Variants in CTNNA2 observed in about 807,000 individuals in gnomAD.
The protein encoded by CTNNA2 is catenin alpha 2.
A neutral mutation model predicts 101.0 loss-of-function variants in CTNNA2; 42 were observed. The observed-to-expected ratio is 0.42, with a 90% CI of 0.32 to 0.54. The LOEUF (loss-of-function observed/expected upper bound fraction) is 0.54. Ranked by LOEUF, CTNNA2 falls within the 20% of genes least tolerant of loss-of-function variation. The pLI is 0.14. For missense variants in CTNNA2, 871 were observed against 1,223.1 expected (o/e 0.71, Z 4.29); for synonymous variants, 450 against 456.4 (o/e 0.99, Z 0.18).
intron 7 of CTNNA2, among the ~76,000 whole-genome samples, chr2:80,249,597 G>A (rs1338642448): frequency 3.3e-5 from 5 of 152,188 alleles, no homozygotes; most frequent in Admixed American, 1.3e-4. Context: ...AGAAGACATT[G>A]AGGCACAGTG....
At chr2:80,194,357 T>C (rs1300793100) in intron 7 of CTNNA2, among the ~76,000 whole-genome samples, 2 of 152,230 alleles carry the variant, frequency 1.3e-5, no homozygotes, top group African/African-American at 4.8e-5. Context: ...GACATCACCA[T>C]TTTTTAAATA....
chr2:80,146,502 T>C (rs1403729215), intron 7 of CTNNA2, among the ~76,000 whole-genome samples: 2 of 152,030 alleles, frequency 1.3e-5, no homozygotes, highest in African/African-American at 4.8e-5. Context: ...CCATCCATTT[T>C]TTTCTCTATC....
At chr2:79,493,732 G>C (rs1671227396) in intron 4 of CTNNA2, 1 of 152,218 alleles carries the variant, frequency 6.6e-6, no homozygotes, top group South Asian at 2.1e-4. Context: ...AGCAATCTCA[G>C]TCTGGTTAAG....
intron 7 of CTNNA2, among the ~76,000 whole-genome samples, chr2:80,252,198 T>A (rs1452229834): frequency 6.6e-6 from 1 of 152,198 alleles, no homozygotes; most frequent in Non-Finnish European, 1.5e-5. Context: ...AAGTCTTATT[T>A]ATTTATTTAC....
chr2:80,510,020 C>A (rs77705067), intron 9 of CTNNA2, among the ~76,000 whole-genome samples: 9 of 152,302 alleles, frequency 5.9e-5, no homozygotes, highest in Admixed American at 5.2e-4. Context: ...TATACTTCTG[C>A]CCCTCTATAG....
chr2:79,524,366 G>T (rs6747083), intron 1 of CTNNA2, among the ~76,000 whole-genome samples: 7,150 of 151,716 alleles, frequency 0.047, 540 homozygotes, highest in African/African-American at 0.16. Flanking sequence ...TTTCCTAATA[G>T]GTTATTGCTG....
intron 7 of CTNNA2, among the ~76,000 whole-genome samples, chr2:80,388,903 C>T (rs1266540574): frequency 2.0e-5 from 3 of 152,170 alleles, no homozygotes; most frequent in Non-Finnish European, 4.4e-5. Context: ...AGTTACTAGA[C>T]AAAATATGTC....
chr2:79,867,636 T>C (rs1415066598), intron 4 of CTNNA2, among the ~76,000 whole-genome samples: 2 of 152,176 alleles, frequency 1.3e-5, no homozygotes, highest in African/African-American at 4.8e-5. Context: ...AATATTTTAT[T>C]GAATTATAAG....
chr2:79,429,284 A>C (rs1678626242), intron 4 of CTNNA2, among the ~76,000 whole-genome samples: 1 of 152,068 alleles, frequency 6.6e-6, no homozygotes, highest in African/African-American at 2.4e-5. Context: ...TGATTTCCCC[A>C]GTTTTTAGGT....
intron 2 of CTNNA2, among the ~76,000 whole-genome samples, chr2:79,655,511 A>AC (rs1681546903): frequency 6.6e-6 from 1 of 152,180 alleles, no homozygotes; most frequent in Non-Finnish European, 1.5e-5. Context: ...TATCTAAATC[A>AC]TAGCACATCT....
intron 3 of CTNNA2, among the ~76,000 whole-genome samples, chr2:79,825,306 C>T (rs1027959954): frequency 1.3e-5 from 2 of 152,016 alleles, no homozygotes; most frequent in Non-Finnish European, 2.9e-5. Context: ...ATGATGCTGT[C>T]GATTTTCAGA....
chr2:80,254,641 A>G (rs1672003135), intron 7 of CTNNA2, among the ~76,000 whole-genome samples: 1 of 152,150 alleles, frequency 6.6e-6, no homozygotes. Flanking sequence ...TTTGATATAC[A>G]TTGGAAAAGT....
intron 7 of CTNNA2, among the ~76,000 whole-genome samples, chr2:79,930,320 G>GAAAGAAAGAAAGAAAGAAAGAA (rs1687341500): frequency 2.1e-5 from 3 of 143,040 alleles, no homozygotes; most frequent in African/African-American, 7.9e-5. Flanking sequence ...AAGAAAGAAA[G>GAAAGAAAGAAAGAAAGAAAGAA]AAAGAAAGAA....
intron 7 of CTNNA2, among the ~76,000 whole-genome samples, chr2:79,983,120 T>TTA (rs1288632869): frequency 1.8e-3 from 274 of 149,938 alleles, no homozygotes; most frequent in Non-Finnish European, 3.1e-3. Flanking sequence ...GTCAACAGTT[T>TTA]TATATATATA....
At chr2:80,325,650 C>A (rs536309510) in intron 7 of CTNNA2, among the ~76,000 whole-genome samples, 1 of 152,198 alleles carries the variant, frequency 6.6e-6, no homozygotes, top group Admixed American at 6.5e-5. Context: ...CCTTCACTGG[C>A]AAAGAAGATG....
intron 7 of CTNNA2, among the ~76,000 whole-genome samples, chr2:80,389,285 T>C (rs1046178373): frequency 2.6e-5 from 4 of 152,144 alleles, no homozygotes; most frequent in Admixed American, 2.6e-4. Context: ...AGACAGAGCA[T>C]ATATTATGCT....
chr2:79,262,710 G>A (rs890221908), intron 2 of CTNNA2, among the ~76,000 whole-genome samples: 4 of 152,154 alleles, frequency 2.6e-5, no homozygotes, highest in Non-Finnish European at 4.4e-5. Context: ...GGCAATCTGG[G>A]TTTAACAAGC....
At chr2:80,087,489 G>A (rs1188212492) in intron 7 of CTNNA2, among the ~76,000 whole-genome samples, 1 of 151,982 alleles carries the variant, frequency 6.6e-6, no homozygotes, top group Non-Finnish European at 1.5e-5. Context: ...AATACGGGAT[G>A]GATTTTTCTT....
chr2:80,046,630 A>G (rs1696544753), intron 7 of CTNNA2, among the ~76,000 whole-genome samples: 1 of 152,176 alleles, frequency 6.6e-6, no homozygotes, highest in African/African-American at 2.4e-5. Flanking sequence ...TGGAGGAACC[A>G]TTCAGAACCA....
Sources: gnomAD v4.1 joint callset for allele counts (sites outside exome capture counted in the v4.1 genomes callset) on GRCh38, gnomAD v4.1.1 for gene constraint, MANE v1.5 for transcripts, NCBI Gene and HGNC (gene_info 2026-07-23, HGNC 2026-07-21) for gene names.